Variants in GRM7 observed in about 807,000 individuals in gnomAD.
The protein encoded by GRM7 is metabotropic glutamate receptor 7.
In GRM7, 35 loss-of-function variants were observed where a neutral mutation model predicts 84.5. That is an observed-to-expected ratio of 0.41 (90% CI 0.32 to 0.55). GRM7 has a LOEUF of 0.55. GRM7 is among the 20% of genes least tolerant of loss of function. GRM7 has a pLI of 0.19. For missense variants in GRM7, 1,003 were observed against 1,194.6 expected (o/e 0.84, Z 2.36); for synonymous variants, 487 against 455.1 (o/e 1.07, Z -0.89).
intron 1 of GRM7, among the ~76,000 whole-genome samples, chr3:7,071,967 G>A (rs1288900838): frequency 6.6e-6 from 1 of 151,994 alleles, no homozygotes. Flanking sequence ...AAAAAGAAAT[G>A]CTTGAGTAAA....
chr3:7,397,257 C>T (rs370899886), intron 4 of GRM7, among the ~76,000 whole-genome samples: 2 of 152,090 alleles, frequency 1.3e-5, no homozygotes, highest in Non-Finnish European at 2.9e-5. Flanking sequence ...AATACTCATA[C>T]ACAACTTAAG....
intron 9 of GRM7, among the ~76,000 whole-genome samples, chr3:7,729,869 CTTTTT>C (rs1168461157): frequency 4.3e-5 from 3 of 69,962 alleles, no homozygotes; most frequent in Middle Eastern, 0.015. Flanking sequence ...CCACCTCCGG[CTTTTT>C]TTTTTTTTTT....
intron 1 of GRM7, among the ~76,000 whole-genome samples, chr3:7,122,813 A>G (rs1403024470): frequency 6.6e-6 from 1 of 152,248 alleles, no homozygotes; most frequent in Non-Finnish European, 1.5e-5. Flanking sequence ...CTTTTCAAAA[A>G]GAATAGTTCC....
chr3:7,430,728 A>AT (rs1384214222), intron 5 of GRM7, among the ~76,000 whole-genome samples: 18 of 152,164 alleles, frequency 1.2e-4, no homozygotes, highest in Non-Finnish European at 1.9e-4. Context: ...GTTTCTGCTT[A>AT]TTTTGCAAAT....
At chr3:7,306,766 T>C in intron 4 of GRM7, 114 bp downstream of exon 4, 1 of 826,788 alleles carries the variant, frequency 1.2e-6, no homozygotes. Context: ...TGTGGGGTTG[T>C]TTCAAACTTA....
chr3:6,909,591 TTAAC>T (rs1425546586), intron 1 of GRM7, among the ~76,000 whole-genome samples: 1 of 152,100 alleles, frequency 6.6e-6, no homozygotes, highest in East Asian at 1.9e-4. Flanking sequence ...AGGACAGAAA[TTAAC>T]TAAAAGTACT....
intron 9 of GRM7, among the ~76,000 whole-genome samples, chr3:7,709,945 C>A (rs929046425): frequency 2.0e-5 from 3 of 152,086 alleles, no homozygotes; most frequent in Non-Finnish European, 2.9e-5. Context: ...CCCTCCTGAC[C>A]CAAGCTCCCT....
At chr3:6,934,298 TA>T (rs1450838066) in intron 1 of GRM7, among the ~76,000 whole-genome samples, 1 of 152,332 alleles carries the variant, frequency 6.6e-6, no homozygotes, top group East Asian at 1.9e-4. Flanking sequence ...ATTTTCTATT[TA>T]TTTTTTTCAT....
intron 4 of GRM7, among the ~76,000 whole-genome samples, chr3:7,350,201 T>A (rs2125090072): frequency 6.6e-6 from 1 of 152,258 alleles, no homozygotes; most frequent in South Asian, 2.1e-4. Flanking sequence ...CATTGTTTTC[T>A]AAAATTACTG....
intron 7 of GRM7, among the ~76,000 whole-genome samples, chr3:7,523,151 C>A (rs114218634): frequency 6.6e-6 from 1 of 152,136 alleles, no homozygotes; most frequent in Admixed American, 6.6e-5. Context: ...GAGACATTCA[C>A]GTTTCTTTTC....
intron 7 of GRM7, among the ~76,000 whole-genome samples, chr3:7,558,363 T>C (rs1693865456): frequency 2.2e-5 from 2 of 90,790 alleles, no homozygotes; most frequent in African/African-American, 9.6e-5. Context: ...TGAAATAAAA[T>C]GCTATGGCTA....
At chr3:6,865,193 T>C (rs1247218069) in intron 1 of GRM7, among the ~76,000 whole-genome samples, 2 of 152,146 alleles carry the variant, frequency 1.3e-5, no homozygotes, top group Non-Finnish European at 2.9e-5. Flanking sequence ...CGCAAAATAA[T>C]ACTCTCCTAA....
At chr3:6,974,189 A>G (rs1476472228) in intron 1 of GRM7, among the ~76,000 whole-genome samples, 1 of 152,188 alleles carries the variant, frequency 6.6e-6, no homozygotes, top group African/African-American at 2.4e-5. Flanking sequence ...ACAGAGAGAA[A>G]GCCACTGGCA....
intron 7 of GRM7, among the ~76,000 whole-genome samples, chr3:7,553,544 C>T (rs574740044): frequency 6.6e-6 from 1 of 152,244 alleles, no homozygotes; most frequent in South Asian, 2.1e-4. Context: ...GCTTAATTGA[C>T]TCACAGTTCA....
chr3:7,359,664 A>G (rs970161512), intron 4 of GRM7, among the ~76,000 whole-genome samples: 1 of 148,120 alleles, frequency 6.8e-6, no homozygotes, highest in African/African-American at 2.6e-5. Flanking sequence ...AAATGTCTCT[A>G]TCTAAGGAAC....
In GRM7 at chr3:7,188,005, C is replaced by T. The variant is rs1415275486; in HGVS notation, c.736+41337C>T. ...AGCCAAATAATGTGATTTAAAAATT[C>T]CTTTCGGGAGCTCAAAAGAAAGGCA... On this transcript the variant is annotated intron_variant, in intron 2 of 9. Transcript: ENST00000357716. This position sits in a 1 kb window ranked among gnomAD's most constrained non-coding sequence, Gnocchi z 4.2. 6.6e-6 allele frequency among the ~76,000 whole-genome samples: 1 copy of T among 152,028 alleles called. No individual in the cohort carries two copies. The highest frequency in any genetic ancestry group is 2.4e-5 in the African/African-American group (1 of 41,374).
Position 7,552,578 on chromosome 3 carries a change from G to A in GRM7, c.1516-25844G>A, listed in dbSNP as rs532399700. Among the ~76,000 whole-genome samples the A allele has an allele frequency of 8.5e-5, 13 of 152,312 alleles. No homozygotes were observed. The East Asian group carries it at 1.9e-3, about 23-fold the overall frequency. On this transcript the variant is annotated intron_variant, in intron 7 of 9. Coordinates refer to ENST00000357716, the MANE Select transcript of GRM7 (RefSeq NM_000844.4). ...ATATATCCTCTGAAATCTAGATGGA[G>A]GATCCCAAACCTCAGTTCTTGACTA... is the stretch of plus-strand genomic sequence containing the variant.
chr3:7,653,596 A>G (rs1699054297), intron 8 of GRM7, among the ~76,000 whole-genome samples: 1 of 152,164 alleles, frequency 6.6e-6, no homozygotes, highest in Non-Finnish European at 1.5e-5. Flanking sequence ...ATGTGCTCAT[A>G]TTACATGGCT....
At chr3:7,296,217 C>T (rs116361217) in intron 2 of GRM7, among the ~76,000 whole-genome samples, 7,053 of 151,956 alleles carry the variant, frequency 0.046, 219 homozygotes, top group Non-Finnish European at 0.07. Context: ...AATAAATTAG[C>T]CTTTTGTTCT....
Sources: allele counts gnomAD v4.1 joint callset (sites outside exome capture counted in the v4.1 genomes callset), GRCh38; gene constraint gnomAD v4.1.1; non-coding constraint Gnocchi (gnomAD v3.1); transcripts MANE v1.5; gene names NCBI Gene and HGNC (gene_info 2026-07-23, HGNC 2026-07-21).